The following PCDHA4 variants were observed in gnomAD, a reference collection of about 807,000 sequenced individuals.
PCDHA4 encodes protocadherin alpha-4.
A neutral mutation model predicts 61.4 loss-of-function variants in PCDHA4; 49 were observed. The observed-to-expected ratio is 0.80, with a 90% CI of 0.63 to 1.01. PCDHA4 has a LOEUF of 1.01. Among genes scored for constraint, PCDHA4 ranks in the 50% least tolerant of loss-of-function variants. The pLI is 0.00. For synonymous variants in PCDHA4, 590 were observed against 550.3 expected, an observed-to-expected ratio of 1.07 and a Z score of -1.01; for missense variants, 1,254 against 1,235.8, an observed-to-expected ratio of 1.01 and a Z score of -0.22.
chr5:140,902,197 C>T (rs868992860), intron 1 of PCDHA4, among the ~76,000 whole-genome samples: 1 of 143,684 alleles, frequency 7.0e-6, no homozygotes, highest in African/African-American at 2.6e-5. Context: ...CTCTCTCTCT[C>T]TCTTTCTTTT....
rs1340886726 is a variant in PCDHA4, at chr5:140,874,290, G to A, written c.2385+64718G>A. Among the ~76,000 whole-genome samples, 3 of 152,146 alleles carry A rather than the reference G, an allele frequency of 2.0e-5. No homozygotes were observed. The East Asian group carries it at 5.8e-4, about 29-fold the overall frequency. On this transcript the variant is annotated intron_variant, in intron 1 of 3. Transcript: ENST00000530339. ...GTATTAATAGACTTACAAAATCTAT[G>A]TGTACTTGTTCACAATGAGTTGTAG...
At chr5:140,836,246 G>A (rs2150134732) in intron 1 of PCDHA4, 2 of 1,613,810 alleles carry the variant, frequency 1.2e-6, no homozygotes, top group Non-Finnish European at 1.7e-6. Flanking sequence ...CGAGCATCCC[G>A]TTCCGCGTGG....
At chr5:140,893,987 T>A (rs112405686) in intron 1 of PCDHA4, among the ~76,000 whole-genome samples, 1 of 152,202 alleles carries the variant, frequency 6.6e-6, no homozygotes, top group Non-Finnish European at 1.5e-5. Context: ...TTTTAAAATA[T>A]CTCCAATTGT....
intron 1 of PCDHA4, among the ~76,000 whole-genome samples, chr5:140,954,220 T>C (rs782685715): frequency 2.0e-5 from 3 of 152,240 alleles, no homozygotes; most frequent in African/African-American, 4.8e-5. Context: ...GTTTTTGCTA[T>C]TGTGAATAGT....
At chr5:140,878,806 G>A (rs1413152690) in intron 1 of PCDHA4, among the ~76,000 whole-genome samples, 1 of 152,144 alleles carries the variant, frequency 6.6e-6, no homozygotes, top group African/African-American at 2.4e-5. Context: ...AAAAACATAT[G>A]GGGGTCTTGC....
intron 1 of PCDHA4, among the ~76,000 whole-genome samples, chr5:140,906,871 A>G (rs953788729): frequency 6.6e-6 from 1 of 152,184 alleles, no homozygotes; most frequent in African/African-American, 2.4e-5. Flanking sequence ...CCCAGCCAAC[A>G]CTGTAACTTC....
intron 1 of PCDHA4, chr5:140,836,635 C>A: frequency 1.2e-6 from 2 of 1,613,444 alleles, no homozygotes; most frequent in Non-Finnish European, 1.7e-6. Flanking sequence ...TGGTCATTCT[C>A]CCAGCAGAGG....
intron 1 of PCDHA4, chr5:140,871,394 C>G (rs782179742): frequency 6.2e-7 from 1 of 1,614,042 alleles, no homozygotes; most frequent in Admixed American, 1.7e-5. Context: ...GAGGGCCCAC[C>G]TAAGACGGAC....
chr5:140,863,010 A>ACGCCTGGTTGT (rs782452232), intron 1 of PCDHA4: 1 of 552,120 alleles, frequency 1.8e-6, no homozygotes, highest in African/African-American at 1.9e-5. Context: ...TCCAGCTATG[A>ACGCCTGGTTGT]CGCCTGGTTG....
At chr5:140,903,608 C>G (rs2070424862) in intron 1 of PCDHA4, among the ~76,000 whole-genome samples, 1 of 152,124 alleles carries the variant, frequency 6.6e-6, no homozygotes, top group African/African-American at 2.4e-5. Flanking sequence ...GCTTAATACA[C>G]ATGAATGTGC....
intron 1 of PCDHA4, among the ~76,000 whole-genome samples, chr5:140,844,268 C>G (rs1440274573): frequency 6.7e-6 from 1 of 149,334 alleles, no homozygotes; most frequent in Non-Finnish European, 1.5e-5. Context: ...TGATAAAATA[C>G]AGAATGATAG....
chr5:140,944,463 A>C (rs2093660880), intron 1 of PCDHA4, among the ~76,000 whole-genome samples: 1 of 152,198 alleles, frequency 6.6e-6, no homozygotes, highest in Admixed American at 6.5e-5. Flanking sequence ...CTGGGATTAC[A>C]GGTATGAGGC....
rs1775369945 is a variant in PCDHA4 at position 140,838,007 on chromosome 5, A to G, written c.2385+28435A>G. Among the ~76,000 whole-genome samples, 3 of 151,520 alleles carry G rather than the reference A, an allele frequency of 2.0e-5. No homozygotes were observed. In the South Asian group the frequency reaches 6.3e-4, roughly 32 times the overall value. ...CTTTCATCTTTCCTTTTTTTTAAAA[A>G]AAGAAGTGATTACAGTAGAAACCTA... On this transcript the variant is annotated intron_variant, in intron 1 of 3. Coordinates refer to ENST00000530339, the MANE Select transcript of PCDHA4 (RefSeq NM_018907.4).
chr5:140,861,587 G>C, intron 1 of PCDHA4: 1 of 374,992 alleles, frequency 2.7e-6, no homozygotes, highest in South Asian at 2.4e-5. Flanking sequence ...TCCATGTGGA[G>C]GTGAAAGTGA....
At chr5:140,819,693 G>A (rs1297112025) in intron 1 of PCDHA4, among the ~76,000 whole-genome samples, 4 of 152,056 alleles carry the variant, frequency 2.6e-5, no homozygotes, top group Admixed American at 2.6e-4. Flanking sequence ...AAATGCAAGT[G>A]ATAATTTAAA....
chr5:141,000,417 ATATATTTTTT>A (rs2097924181), intron 3 of PCDHA4, among the ~76,000 whole-genome samples: 1 of 77,748 alleles, frequency 1.3e-5, no homozygotes, highest in Non-Finnish European at 2.3e-5. Context: ...ATATATATAT[ATATATTTTTT>A]TTTTTTTTTT....
intron 1 of PCDHA4, chr5:140,857,366 G>C: frequency 2.5e-6 from 4 of 1,598,350 alleles, no homozygotes; most frequent in Non-Finnish European, 3.4e-6. Flanking sequence ...CACGGCCAGC[G>C]TGTCTGTGGA....
At position 140,968,504 on chromosome 5, in the gene PCDHA4, C is replaced by T. The variant is rs147528189; in HGVS notation, c.2386-10445C>T. 58 of 1,614,064 alleles carry T rather than the reference C, an allele frequency of 3.6e-5. No individual in the cohort carries two copies. In the African/African-American group the frequency reaches 6.7e-4, roughly 19 times the overall value. ...CATGAATGACCATGCCCCTCACATT[C>T]TGTACCCTACCTCAACCAACTCGTC... On this transcript the variant is annotated intron_variant, in intron 1 of 3. Transcript: ENST00000530339.
rs146195620 is a variant in PCDHA4, at chr5:140,842,865, G to A, written c.2385+33293G>A. The A allele has an allele frequency of 1.3e-6, 2 of 1,593,868 alleles. 1 individual carries two copies. The highest frequency in any genetic ancestry group is 1.7e-6 in the Non-Finnish European group (2 of 1,165,400). ...TACATTTCGGTGCACACGGAGAGCGGCAAGGTGTACGCGCTGCAGCCGCTG... is the reference window on the plus strand; with the variant it reads ...TACATTTCGGTGCACACGGAGAGCGACAAGGTGTACGCGCTGCAGCCGCTG... On this transcript the variant is annotated intron_variant, in intron 1 of 3. Coordinates refer to ENST00000530339, the MANE Select transcript of PCDHA4 (RefSeq NM_018907.4).
Sources: allele counts gnomAD v4.1 joint callset (sites outside exome capture counted in the v4.1 genomes callset), GRCh38; gene constraint gnomAD v4.1.1; transcripts MANE v1.5; gene names NCBI Gene and HGNC (gene_info 2026-07-23, HGNC 2026-07-21).